VDR: variants seen among roughly 807,000 people sequenced by gnomAD.
VDR encodes vitamin D3 receptor.
Under a neutral mutation model 39.7 loss-of-function variants are expected in VDR, and 19 were observed. The observed-to-expected ratio is 0.48, with a 90% confidence interval of 0.33 to 0.70. The LOEUF (loss-of-function observed/expected upper bound fraction) is 0.70. Ranked by LOEUF, VDR falls within the 30% of genes least tolerant of loss-of-function variation. The pLI is 0.02. For missense variants in VDR, 442 were observed against 570.5 expected, an observed-to-expected ratio of 0.77 and a Z score of 2.29; for synonymous variants, 242 against 215.8, an observed-to-expected ratio of 1.12 and a Z score of -1.07.
Position 47,856,888 on chromosome 12 carries a change from G to A in VDR, c.583+241C>T, listed in dbSNP as rs143278689. On this transcript the variant is annotated intron_variant, in intron 6 of 9. Coordinates refer to ENST00000549336, the MANE Select transcript of VDR (RefSeq NM_000376.3). ...GGCTTAGAGGAAACAGCATGGGCCC[G>A]GGAGGCTGATGCTACACAGCTGGAA... 3.8e-4 allele frequency among the ~76,000 whole-genome samples: 58 copies of A among 152,376 alleles called. 1 individual carries two copies. Among genetic ancestry groups the A allele is most frequent in the Non-Finnish European group, 7.1e-4 (48 of 68,038 alleles).
intron 7 of VDR, among the ~76,000 whole-genome samples, chr12:47,849,375 C>G (rs1007161501): frequency 1.3e-5 from 2 of 152,152 alleles, no homozygotes; most frequent in African/African-American, 2.4e-5. Flanking sequence ...CTCTGCAGGA[C>G]TCTCCTAGGG....
intron 1 of VDR, among the ~76,000 whole-genome samples, chr12:47,903,358 G>A (rs1055897777): frequency 6.6e-6 from 1 of 152,198 alleles, no homozygotes; most frequent in Non-Finnish European, 1.5e-5. Context: ...CTGAGTGGGG[G>A]CCACGGACTC....
chr12:47,873,034 A>T (rs1332953509), intron 3 of VDR, among the ~76,000 whole-genome samples: 1 of 152,246 alleles, frequency 6.6e-6, no homozygotes, highest in Non-Finnish European at 1.5e-5. Context: ...ACTCCAAGGA[A>T]TCTGACTGAT....
intron 7 of VDR, among the ~76,000 whole-genome samples, chr12:47,853,360 G>A (rs1592102943): frequency 2.0e-5 from 3 of 151,096 alleles, no homozygotes; most frequent in Admixed American, 6.6e-5. Context: ...GGAGAGTGGC[G>A]TGAACCCGGG....
At chr12:47,854,609 T>C (rs1260189674) in intron 7 of VDR, among the ~76,000 whole-genome samples, 2 of 152,206 alleles carry the variant, frequency 1.3e-5, no homozygotes, top group African/African-American at 4.8e-5. Flanking sequence ...TTTAAAGAGA[T>C]AATATGAGGA....
At chr12:47,890,129 C>T (rs1946340313) in intron 1 of VDR, among the ~76,000 whole-genome samples, 1 of 151,872 alleles carries the variant, frequency 6.6e-6, no homozygotes, top group African/African-American at 2.4e-5. Context: ...CACATTTGGA[C>T]AGGACCAAGA....
intron 7 of VDR, among the ~76,000 whole-genome samples, chr12:47,848,734 T>C (rs961582999): frequency 6.6e-6 from 1 of 151,952 alleles, no homozygotes; most frequent in Admixed American, 6.6e-5. Flanking sequence ...ACTCAGCTAA[T>C]TTTTGTATTT....
At chr12:47,864,053 G>A (rs1002383408) in intron 4 of VDR, among the ~76,000 whole-genome samples, 3 of 152,162 alleles carry the variant, frequency 2.0e-5, no homozygotes, top group Admixed American at 1.3e-4. Flanking sequence ...CCCCGACTCC[G>A]ACTCCGATTC....
intron 3 of VDR, among the ~76,000 whole-genome samples, chr12:47,873,597 G>A (rs1366251954): frequency 1.3e-5 from 2 of 151,642 alleles, no homozygotes; most frequent in African/African-American, 2.4e-5. Flanking sequence ...TCCTGACCTC[G>A]TGATCCGCCC....
At chr12:47,876,239 G>GTGTA (rs55663517) in intron 3 of VDR, among the ~76,000 whole-genome samples, 9 of 151,538 alleles carry the variant, frequency 5.9e-5, no homozygotes, top group African/African-American at 2.4e-5. Context: ...GTGTGTGTGT[G>GTGTA]CATGTGTGTG....
At chr12:47,861,361 G>A (rs1389619041) in intron 4 of VDR, among the ~76,000 whole-genome samples, 2 of 152,218 alleles carry the variant, frequency 1.3e-5, no homozygotes, top group Admixed American at 1.3e-4. Flanking sequence ...ATCTTCTATG[G>A]AGGTAACAGA....
At chr12:47,879,874 A>C (rs1306447268) in intron 2 of VDR, among the ~76,000 whole-genome samples, 2 of 152,198 alleles carry the variant, frequency 1.3e-5, no homozygotes, top group Non-Finnish European at 2.9e-5. Context: ...CTAAACAGGC[A>C]TTATCATCTA....
intron 1 of VDR, among the ~76,000 whole-genome samples, chr12:47,900,222 G>C (rs1056840619): frequency 7.2e-5 from 11 of 152,208 alleles, no homozygotes; most frequent in Admixed American, 6.5e-4. Flanking sequence ...AGTGCTGGCA[G>C]AGGGAGCCTC....
At chr12:47,846,984 A>T (rs1426681010) in intron 7 of VDR, among the ~76,000 whole-genome samples, 176 bp from the exon 8 acceptor site, 2 of 152,182 alleles carry the variant, frequency 1.3e-5, no homozygotes, top group African/African-American at 4.8e-5. Context: ...GAGAGAGAAC[A>T]GTTCAACACT....
intron 7 of VDR, among the ~76,000 whole-genome samples, chr12:47,853,037 T>C (rs1235114003): frequency 6.6e-6 from 1 of 152,248 alleles, no homozygotes; most frequent in Non-Finnish European, 1.5e-5. Flanking sequence ...AACCATATTG[T>C]TTATGTATTT....
chr12:47,850,877 C>T lies in VDR; in HGVS notation c.756-4069G>A, dbSNP rs2239183. On this transcript the variant is annotated intron_variant, in intron 7 of 9. Transcript: ENST00000549336. Reference sequence around the variant, plus strand: ...GAGCCCGGCCCCTCCCCTCCCCTCCCGCATTCCCACGGTACCTCCAGCAGG... The same window carrying T: ...GAGCCCGGCCCCTCCCCTCCCCTCCTGCATTCCCACGGTACCTCCAGCAGG... Among the ~76,000 whole-genome samples, 9 of 152,134 alleles carry T rather than the reference C, an allele frequency of 5.9e-5. No homozygotes were observed. In the South Asian group the frequency reaches 8.3e-4, roughly 14 times the overall value.
In VDR at chr12:47,855,758, T is replaced by C. The variant is rs768338008; in HGVS notation, c.627A>G (p.Glu209=). The change falls in exon 7 of 10, where the codon GAA becomes GAG. Residue 209 remains glutamate (E), a synonymous_variant. Coordinates refer to ENST00000549336, the MANE Select transcript of VDR (RefSeq NM_000376.3). The part of the protein sequence containing the change: ...SSSFSNLDLS[E]EDSDDPSVTL... ...TCACAGAAGGGTCATCTGAATCTTC[T>C]TCACTCAGATCCAGATTGGAGAAGC... 2 of 1,614,182 alleles carry C rather than the reference T, an allele frequency of 1.2e-6. No homozygotes were observed. Among genetic ancestry groups the C allele is most frequent in the Non-Finnish European group, 1.7e-6 (2 of 1,180,010 alleles).
chr12:47,855,339 AAAATAAATAAAT>A (rs11574093), intron 7 of VDR, among the ~76,000 whole-genome samples: 117 of 146,546 alleles, frequency 8.0e-4, no homozygotes, highest in African/African-American at 2.7e-3. Context: ...AAAAAAAATA[AAAATAAATAAAT>A]AAATAAATAA....
At chr12:47,874,762 G>T (rs1945966408) in intron 3 of VDR, among the ~76,000 whole-genome samples, 1 of 152,142 alleles carries the variant, frequency 6.6e-6, no homozygotes, top group Non-Finnish European at 1.5e-5. Flanking sequence ...GGGTTCCTCT[G>T]ATTTTCTTCT....
Sources: gnomAD v4.1 joint callset for allele counts (sites outside exome capture counted in the v4.1 genomes callset) on GRCh38, gnomAD v4.1.1 for gene constraint, MANE v1.5 for transcripts, NCBI Gene and HGNC (gene_info 2026-07-23, HGNC 2026-07-21) for gene names.